Variants in LY6S observed in about 807,000 individuals in gnomAD.
LY6S encodes the protein lymphocyte antigen 6S.
the LY6S span, chr8:143,057,632 G>A: frequency 6.4e-6 from 7 of 1,088,766 alleles, no homozygotes; most frequent in Non-Finnish European, 8.5e-6. Context: ...AATGCCCACA[G>A]TTTTGGGAGG....
the LY6S span, chr8:143,043,156 T>A: frequency 7.3e-7 from 1 of 1,367,564 alleles, no homozygotes; most frequent in Non-Finnish European, 9.8e-7. Flanking sequence ...GACCCCAGGC[T>A]GAGCAGGAGC....
chr8:143,057,396 C>T, the LY6S span, among the ~76,000 whole-genome samples: 1 of 152,026 alleles, frequency 6.6e-6, no homozygotes, highest in East Asian at 1.9e-4. Flanking sequence ...ACTACAGGCG[C>T]CTGCCACCAT....
At chr8:143,065,330 A>T in the LY6S span, among the ~76,000 whole-genome samples, 1 of 151,952 alleles carries the variant, frequency 6.6e-6, no homozygotes, top group Non-Finnish European at 1.5e-5. Context: ...CCCCTGGGGA[A>T]CAGGACAGAC....
chr8:143,044,571 G>A, the LY6S span: 1 of 574,044 alleles, frequency 1.7e-6, no homozygotes, highest in Non-Finnish European at 2.4e-6. Context: ...CCACAGACCG[G>A]CCCCCAAAGT....
At chr8:143,040,875 A>G in the LY6S span, among the ~76,000 whole-genome samples, 21 of 152,284 alleles carry the variant, frequency 1.4e-4, no homozygotes, top group African/African-American at 4.6e-4. Context: ...GAGACATCAC[A>G]TGTCGGCAGG....
the LY6S span, among the ~76,000 whole-genome samples, chr8:143,061,516 G>A: frequency 0.082 from 12,505 of 152,130 alleles, 674 homozygotes; most frequent in Non-Finnish European, 0.12. Context: ...TTGGTTGGTT[G>A]GTTGGTTGGT....
the LY6S span, among the ~76,000 whole-genome samples, chr8:143,072,131 C>T: frequency 6.6e-6 from 1 of 151,144 alleles, no homozygotes; most frequent in African/African-American, 2.4e-5. Flanking sequence ...TATCAGAATC[C>T]AAGTTGGTAA....
the LY6S span, among the ~76,000 whole-genome samples, chr8:143,050,507 T>C: frequency 6.6e-6 from 1 of 152,000 alleles, no homozygotes; most frequent in Non-Finnish European, 1.5e-5. Context: ...AGACACACCT[T>C]CGAGGTCCTC....
chr8:143,061,773 A>C, the LY6S span, among the ~76,000 whole-genome samples: 1 of 152,186 alleles, frequency 6.6e-6, no homozygotes, highest in Non-Finnish European at 1.5e-5. Flanking sequence ...TGAACTCCTG[A>C]CCTCAGGTGA....
the LY6S span, chr8:143,044,766 G>T: frequency 2.0e-5 from 27 of 1,367,410 alleles, no homozygotes; most frequent in Non-Finnish European, 2.4e-5. Context: ...CCCCTTCCAA[G>T]ACCGCCAAGC....
the LY6S span, chr8:143,049,428 G>A: frequency 5.2e-6 from 2 of 386,804 alleles, no homozygotes; most frequent in Non-Finnish European, 5.3e-6. Flanking sequence ...TCTTTCCAGA[G>A]GAATCAGGGA....
At chr8:143,044,598 G>A in the LY6S span, 4 of 1,269,242 alleles carry the variant, frequency 3.2e-6, no homozygotes, top group African/African-American at 3.1e-5. Context: ...GGCTTGTAGG[G>A]GGACCTTGGT....
At chr8:143,070,485 A>ATTTTTTTTTT in the LY6S span, among the ~76,000 whole-genome samples, 1 of 84,878 alleles carries the variant, frequency 1.2e-5, no homozygotes, top group African/African-American at 7.5e-5. Flanking sequence ...AAATATATAT[A>ATTTTTTTTTT]TATATTTTTT....
At chr8:143,041,919 G>A in the LY6S span, among the ~76,000 whole-genome samples, 4,225 of 57,934 alleles carry the variant, frequency 0.073, 100 homozygotes, top group Non-Finnish European at 0.11. Context: ...TGAGACGGCC[G>A]TCCACCCAGG....
At chr8:143,044,343 G>GC in the LY6S span, 1 of 423,160 alleles carries the variant, frequency 2.4e-6, no homozygotes, top group Non-Finnish European at 4.8e-6. Flanking sequence ...TGTGGGCCCT[G>GC]CTGCTGGGCA....
the LY6S span, among the ~76,000 whole-genome samples, chr8:143,063,852 C>T: frequency 6.6e-6 from 1 of 152,178 alleles, no homozygotes; most frequent in Non-Finnish European, 1.5e-5. Context: ...TGGTGAGGCT[C>T]ATGGATCATG....
chr8:143,054,594 TCTACGACTCC>T, the LY6S span, among the ~76,000 whole-genome samples: 1 of 152,182 alleles, frequency 6.6e-6, no homozygotes, highest in Non-Finnish European at 1.5e-5. Flanking sequence ...CTCCAGTGTA[TCTACGACTCC>T]CTCCACTCTG....
the LY6S span, among the ~76,000 whole-genome samples, chr8:143,063,493 T>G: frequency 6.6e-6 from 1 of 152,216 alleles, no homozygotes. Flanking sequence ...AGGTTCCTAT[T>G]GGTAAAGTCC....
At chr8:143,060,863 T>C in the LY6S span, among the ~76,000 whole-genome samples, 1 of 152,180 alleles carries the variant, frequency 6.6e-6, no homozygotes, top group Non-Finnish European at 1.5e-5. Flanking sequence ...AGATGCATAT[T>C]GTAATGTCTA....
Sources: gnomAD v4.1 joint callset for allele counts (sites outside exome capture counted in the v4.1 genomes callset) on GRCh38, gnomAD v4.1.1 for gene constraint, MANE v1.5 for transcripts, NCBI Gene and HGNC (gene_info 2026-07-23, HGNC 2026-07-21) for gene names.